SPATA13: variants seen among roughly 807,000 people sequenced by gnomAD.
The protein encoded by SPATA13 is spermatogenesis-associated protein 13.
SPATA13 carries 50 observed loss-of-function variants against 104.0 expected under a neutral mutation model. The observed-to-expected ratio is 0.48, with a 90% CI of 0.38 to 0.61. The LOEUF (loss-of-function observed/expected upper bound fraction) is 0.61, where lower values mean the gene tolerates loss of function less well. Among genes scored for constraint, SPATA13 ranks in the 20% least tolerant of loss-of-function variants. The pLI is 0.00. For missense variants in SPATA13, 1,524 were observed against 1,690.6 expected (o/e 0.90, Z 1.73); for synonymous variants, 606 against 667.5 (o/e 0.91, Z 1.42).
chr13:24,074,950 G>A (rs1272265993), intron 3 of SPATA13, among the ~76,000 whole-genome samples: 1 of 142,904 alleles, frequency 7.0e-6, no homozygotes, highest in Non-Finnish European at 1.6e-5. Context: ...GGCTGCCTGT[G>A]ATTGGCGAAA....
At chr13:24,215,889 T>G (rs919092770) in intron 1 of SPATA13, among the ~76,000 whole-genome samples, 3 of 151,998 alleles carry the variant, frequency 2.0e-5, no homozygotes, top group Non-Finnish European at 2.9e-5. Context: ...GTGGGGGAGG[T>G]GCAGTCTTGT....
chr13:24,089,938 G>A (rs1879859478), intron 3 of SPATA13, among the ~76,000 whole-genome samples: 2 of 152,152 alleles, frequency 1.3e-5, no homozygotes, highest in South Asian at 2.1e-4. Flanking sequence ...TTTTCACATG[G>A]CATGGACTTG....
intron 2 of SPATA13, among the ~76,000 whole-genome samples, chr13:24,015,676 G>T (rs555571159): frequency 6.6e-6 from 1 of 152,246 alleles, no homozygotes; most frequent in East Asian, 1.9e-4. Flanking sequence ...CCCCTAGAAG[G>T]TCAGACCAGC....
At chr13:24,130,696 T>TAGAA (rs1207229128) in intron 3 of SPATA13, among the ~76,000 whole-genome samples, 1 of 152,172 alleles carries the variant, frequency 6.6e-6, no homozygotes, top group Non-Finnish European at 1.5e-5. Context: ...AACGGTGGTT[T>TAGAA]AGAAAGAGCA....
At chr13:24,047,216 A>G (rs536842963) in intron 3 of SPATA13, among the ~76,000 whole-genome samples, 1 of 152,298 alleles carries the variant, frequency 6.6e-6, no homozygotes, top group East Asian at 1.9e-4. Context: ...CAGAATAACA[A>G]TCTTAGGCAA....
intron 3 of SPATA13, among the ~76,000 whole-genome samples, chr13:24,025,832 C>T (rs11843356): frequency 0.55 from 80,756 of 146,878 alleles, 21,915 homozygotes; most frequent in Middle Eastern, 0.6. Flanking sequence ...TTTTTTGAGA[C>T]GGAGTCTCAC....
At chr13:24,256,313 A>C (rs1873788043) in intron 4 of SPATA13, among the ~76,000 whole-genome samples, 1 of 152,244 alleles carries the variant, frequency 6.6e-6, no homozygotes, top group Admixed American at 6.5e-5. Context: ...TGTATAGTTC[A>C]AAATAGCTAG....
intron 1 of SPATA13, among the ~76,000 whole-genome samples, chr13:24,212,950 G>A (rs111354148): frequency 0.01 from 1,540 of 152,356 alleles, 30 homozygotes; most frequent in African/African-American, 0.035. Context: ...GCATGTGGCC[G>A]GTGGTTTAGA....
At chr13:24,216,866 C>T (rs1488780454) in intron 1 of SPATA13, among the ~76,000 whole-genome samples, 2 of 152,092 alleles carry the variant, frequency 1.3e-5, no homozygotes, top group Non-Finnish European at 2.9e-5. Flanking sequence ...ACCTGGCCAA[C>T]ATAGTGAAAC....
At chr13:24,225,144 G>T (rs1053120434) in intron 2 of SPATA13, among the ~76,000 whole-genome samples, 3 of 152,238 alleles carry the variant, frequency 2.0e-5, no homozygotes, top group Non-Finnish European at 4.4e-5. Context: ...TGCCCAGCAG[G>T]CTGCATTCGG....
At chr13:24,008,137 G>C (rs1876313648) in intron 2 of SPATA13, among the ~76,000 whole-genome samples, 1 of 152,254 alleles carries the variant, frequency 6.6e-6, no homozygotes, top group African/African-American at 2.4e-5. Flanking sequence ...CTGAGGGAGA[G>C]CTTGTGACCA....
chr13:24,021,134 T>C (rs1876955953), intron 3 of SPATA13, among the ~76,000 whole-genome samples: 1 of 152,176 alleles, frequency 6.6e-6, no homozygotes, highest in Admixed American at 6.5e-5. Flanking sequence ...AAGGAAGGTA[T>C]ATTGAGTTTC....
chr13:24,025,123 T>C (rs1441276018), intron 3 of SPATA13, among the ~76,000 whole-genome samples: 1 of 151,812 alleles, frequency 6.6e-6, no homozygotes, highest in Non-Finnish European at 1.5e-5. Context: ...GCAAATATTA[T>C]GTTTAATTCT....
chr13:24,102,475 CTTTT>C (rs34472292), intron 3 of SPATA13, among the ~76,000 whole-genome samples: 12 of 120,832 alleles, frequency 9.9e-5, no homozygotes, highest in Non-Finnish European at 1.4e-4. Context: ...CACAGAATTT[CTTTT>C]TTTTTTTTTT....
intron 3 of SPATA13, among the ~76,000 whole-genome samples, chr13:24,142,633 A>G (rs1881798400): frequency 6.6e-6 from 1 of 152,078 alleles, no homozygotes; most frequent in African/African-American, 2.4e-5. Context: ...CTACTCTTCA[A>G]CAACTTTTTT....
chr13:24,302,980 A>C lies in SPATA13; in HGVS notation c.*207A>C. 2 of 637,530 alleles carry C rather than the reference A, an allele frequency of 3.1e-6. No homozygotes were observed. The highest frequency in any genetic ancestry group is 5.4e-6 in the Non-Finnish European group (2 of 368,310). 39.5% of individuals were successfully genotyped at this position (637,530 alleles called of 1,614,324 possible). Reference sequence around the variant, plus strand: ...GAAGGGAGGAGACGGTCATGACACAAAGCTTTATCCTACACAGAAACACCC... The same window carrying C: ...GAAGGGAGGAGACGGTCATGACACACAGCTTTATCCTACACAGAAACACCC... On this transcript the variant is annotated 3_prime_UTR_variant, in exon 13 of 13. Coordinates refer to ENST00000382108, the MANE Select transcript of SPATA13 (RefSeq NM_001166271.3).
chr13:24,123,247 C>T, intron 3 of SPATA13: 2 of 1,601,454 alleles, frequency 1.2e-6, no homozygotes, highest in Non-Finnish European at 8.5e-7. Flanking sequence ...AGGGCAATGG[C>T]AGCTTCCACT....
chr13:23,998,594 G>A (rs1329642354), intron 2 of SPATA13, among the ~76,000 whole-genome samples: 3 of 152,184 alleles, frequency 2.0e-5, no homozygotes, highest in Non-Finnish European at 4.4e-5. Flanking sequence ...CAGTTTGTCA[G>A]TTGTTTTCTT....
intron 2 of SPATA13, among the ~76,000 whole-genome samples, chr13:24,231,967 A>G (rs889564025): frequency 1.3e-5 from 2 of 152,126 alleles, no homozygotes; most frequent in Non-Finnish European, 2.9e-5. Context: ...TCATCCTTTT[A>G]TTGAGCAGTT....
Sources: gnomAD v4.1 joint callset for allele counts (sites outside exome capture counted in the v4.1 genomes callset) on GRCh38, gnomAD v4.1.1 for gene constraint, MANE v1.5 for transcripts, NCBI Gene and HGNC (gene_info 2026-07-23, HGNC 2026-07-21) for gene names.